Variants in WTAP observed in about 807,000 individuals in gnomAD.
WTAP encodes WT1 associated protein.
A neutral mutation model predicts 50.0 loss-of-function variants in WTAP; 8 were observed. The ratio of observed to expected loss-of-function variants is 0.16; its 90% confidence interval spans 0.09 to 0.29. The LOEUF (loss-of-function observed/expected upper bound fraction) is 0.29. Among genes scored for constraint, WTAP ranks in the 10% least tolerant of loss-of-function variants. The probability of loss-of-function intolerance (pLI) is 1.00; values close to 1 mark genes in which losing one functional copy is unlikely to be tolerated. For missense variants in WTAP, 295 were observed against 470.7 expected, an observed-to-expected ratio of 0.63 and a Z score of 3.45; for synonymous variants, 194 against 169.0, an observed-to-expected ratio of 1.15 and a Z score of -1.15.
At position 159,755,312 on chromosome 6, in the gene WTAP, A is replaced by G. The variant is rs375163417; in HGVS notation, c.892A>G (p.Thr298Ala). Residue 298 changes from threonine (T) to alanine (A), a missense_variant, in exon 8 of 8, where the codon ACA (threonine) becomes GCA (alanine). Physicochemically the swap from Thr to Ala is moderately conservative, Grantham distance 58 (BLOSUM62 0). This residue lies in a region of WTAP where 175 missense variants were observed against 183.1 expected (regional missense o/e 0.96). Coordinates refer to ENST00000621533, the MANE Select transcript of WTAP (RefSeq NM_001270531.2). ...SGSGFHREGN[T>A]TEDDFPSSPG... ...GTCTGGATTTCACAGGGAGGGCAAC[A>G]CAACCGAAGATGACTTTCCTTCTTC... 6.2e-6 allele frequency: 10 copies of G among 1,614,144 alleles called. No homozygotes were observed. The African/African-American group carries it at 1.2e-4, about 19-fold the overall frequency.
At chr6:159,745,446 T>G (rs1303495784) in intron 5 of WTAP, among the ~76,000 whole-genome samples, 1 of 152,152 alleles carries the variant, frequency 6.6e-6, no homozygotes, top group African/African-American at 2.4e-5. Flanking sequence ...GCTTTTTTTT[T>G]TTTTTAAAAC....
chr6:159,727,694 G>T lies in WTAP; in HGVS notation c.-18G>T. On this transcript the variant is annotated 5_prime_UTR_variant, in exon 1 of 8. Transcript: ENST00000621533. Reference sequence around the variant, plus strand: ...GACCGGTGGCGCCGGCGCGGCTTCTGCCTGGAGAGGTAGGCGCGGGCCGGC... The same window carrying T: ...GACCGGTGGCGCCGGCGCGGCTTCTTCCTGGAGAGGTAGGCGCGGGCCGGC... 3.0e-6 allele frequency: 3 copies of T among 984,516 alleles called. No individual in the cohort carries two copies. The highest frequency in any genetic ancestry group is 1.8e-5 in the African/African-American group (1 of 56,808). The allele number at this position is 984,516 out of a possible 1,614,324, so 61.0% of individuals were successfully genotyped here.
upstream of WTAP, chr6:159,727,406 A>AGGCGGGAGGCGGGAGGCGGGAGGCT (rs761734374): frequency 2.0e-6 from 1 of 491,242 alleles, no homozygotes; most frequent in African/African-American, 3.6e-5. Context: ...GGCGGGAGGC[A>AGGCGGGAGGCGGGAGGCGGGAGGCT]GTGGCGCTGG....
chr6:159,727,750 G>T (rs1331515270), intron 1 of WTAP, 47 bp downstream of exon 1: 63 of 983,526 alleles, frequency 6.4e-5, no homozygotes, highest in Non-Finnish European at 7.1e-5. Context: ...GACCTCCGGG[G>T]CCTGAGGGCT....
At chr6:159,742,592 AAAT>A (rs1779324516) in intron 4 of WTAP, among the ~76,000 whole-genome samples, 1 of 152,174 alleles carries the variant, frequency 6.6e-6, no homozygotes, top group South Asian at 2.1e-4. Context: ...AATCTGCTGA[AAAT>A]AACGTTTATC....
intron 6 of WTAP, among the ~76,000 whole-genome samples, chr6:159,750,292 G>A (rs1779771050): frequency 6.6e-6 from 1 of 152,180 alleles, no homozygotes; most frequent in Admixed American, 6.5e-5. Context: ...TTATTAACAT[G>A]TACTCAAATT....
chr6:159,742,937 A>G (rs1406445053), intron 4 of WTAP, among the ~76,000 whole-genome samples: 4 of 152,280 alleles, frequency 2.6e-5, no homozygotes, highest in South Asian at 4.1e-4. Context: ...CGGGAGGTCA[A>G]GGCTGCTGCA....
intron 1 of WTAP, among the ~76,000 whole-genome samples, chr6:159,731,960 TA>T (rs1778598648): frequency 7.2e-6 from 1 of 139,566 alleles, no homozygotes; most frequent in Non-Finnish European, 1.5e-5. Flanking sequence ...AGAATATGGA[TA>T]CCTGTCTTTA....
chr6:159,736,362 TA>T (rs988385388), intron 2 of WTAP, 67 bp downstream of exon 2: 669 of 1,167,978 alleles, frequency 5.7e-4, no homozygotes, highest in Non-Finnish European at 6.5e-4. Flanking sequence ...TTAAGCACTT[TA>T]AAAAAAAATA....
At chr6:159,753,404 AG>A (rs1213528795) in intron 6 of WTAP, 55 bp from the exon 7 acceptor site, 2 of 1,612,200 alleles carry the variant, frequency 1.2e-6, no homozygotes, top group African/African-American at 1.3e-5. Context: ...AATAATTGTA[AG>A]CAAAGACAGA....
intron 5 of WTAP, among the ~76,000 whole-genome samples, chr6:159,746,429 A>G (rs1480202823): frequency 6.6e-6 from 1 of 152,200 alleles, no homozygotes; most frequent in Non-Finnish European, 1.5e-5. Context: ...TGGTGTTTCA[A>G]ATTAAGCTAA....
At position 159,755,733 on chromosome 6, in the gene WTAP, GTTGTTTTTTTTCT is replaced by G. The variant is rs1779979312; in HGVS notation, c.*134_*146del. Reference sequence around the variant, plus strand: ...TGGGTGTACGTTTTGGTTTTTTTTTGTTGTTTTTTTTCTTTGTTTTTTTTTTCTTTTCTTTTTT... The same window carrying G: ...TGGGTGTACGTTTTGGTTTTTTTTTGTTGTTTTTTTTTTCTTTTCTTTTTT... On this transcript the variant is annotated 3_prime_UTR_variant, in exon 8 of 8. Transcript: ENST00000621533. 2.5e-5 allele frequency: 14 copies of G among 551,166 alleles called. No homozygotes were observed. Among genetic ancestry groups the G allele is most frequent in the South Asian group, 9.9e-5 (1 of 10,064 alleles). 34.1% of individuals were successfully genotyped at this position (551,166 alleles called of 1,614,324 possible).
intron 1 of WTAP, among the ~76,000 whole-genome samples, chr6:159,734,140 A>G (rs1325476909): frequency 3.3e-5 from 5 of 152,156 alleles, no homozygotes; most frequent in Non-Finnish European, 5.9e-5. Flanking sequence ...TCTCAAAATC[A>G]AGTGGGAGAA....
At chr6:159,727,036 C>T (rs1778209265), upstream of WTAP, 13 of 1,228,066 alleles carry the variant, frequency 1.1e-5, no homozygotes, top group East Asian at 1.7e-4. Flanking sequence ...CGCAGGTGGC[C>T]CCGGCGAGTA....
chr6:159,743,785 A>T lies in WTAP; in HGVS notation c.266A>T (p.Glu89Val). ...GCAACCAAGGAACAAGAGATGCAAG[A>T]GTGTACTGTAAGTATTTCAAGTTAT... is the stretch of plus-strand genomic sequence containing the variant. ...RLATKEQEMQ[E>V]CTTQIQYLKQ... The change falls in exon 5 of 8, where the codon GAG becomes GTG. Residue 89 changes from glutamate to valine, a missense_variant. Glu to Val is a moderately radical substitution (Grantham distance 121, BLOSUM62 -2). Transcript: ENST00000621533. 6.2e-7 allele frequency: 1 copy of T among 1,608,832 alleles called. No homozygotes were observed. Among genetic ancestry groups the T allele is most frequent in the Non-Finnish European group, 8.5e-7 (1 of 1,178,184 alleles).
intron 5 of WTAP, among the ~76,000 whole-genome samples, chr6:159,747,518 T>A (rs1310412078): frequency 6.6e-6 from 1 of 152,226 alleles, no homozygotes; most frequent in Non-Finnish European, 1.5e-5. Flanking sequence ...TAAGGTCCTA[T>A]AGAGTTTTGC....
In WTAP at chr6:159,755,755, T is replaced by TTTTTC. The variant is rs1414897537; in HGVS notation, c.*154_*158dup. On this transcript the variant is annotated 3_prime_UTR_variant, in exon 8 of 8. Transcript: ENST00000621533. ...TTTGTTGTTTTTTTTCTTTGTTTTT[T>TTTTTC]TTTTCTTTTCTTTTTTTTTTTTTTT... 6.5e-6 allele frequency: 7 copies of TTTTTC among 1,077,746 alleles called. No homozygotes were observed. The highest frequency in any genetic ancestry group is 7.0e-6 in the Non-Finnish European group (6 of 855,168). 66.8% of individuals were successfully genotyped at this position (1,077,746 alleles called of 1,614,324 possible). A position where few individuals can be genotyped will look rare whatever the true frequency, so the allele number is the denominator to read the frequency against.
chr6:159,755,710 G>C lies in WTAP; in HGVS notation c.*99G>C. Reference sequence around the variant, plus strand: ...TTTTGTCACAATTTGCCTTTTTGTGGGTGTACGTTTTGGTTTTTTTTTGTT... The same window carrying C: ...TTTTGTCACAATTTGCCTTTTTGTGCGTGTACGTTTTGGTTTTTTTTTGTT... On this transcript the variant is annotated 3_prime_UTR_variant, in exon 8 of 8. Coordinates refer to ENST00000621533, the MANE Select transcript of WTAP (RefSeq NM_001270531.2). 8.0e-7 allele frequency: 1 copy of C among 1,246,268 alleles called. No homozygotes were observed. Among genetic ancestry groups the C allele is most frequent in the East Asian group, 3.1e-5 (1 of 31,780 alleles). The allele number at this position is 1,246,268 out of a possible 1,614,324, so 77.2% of individuals were successfully genotyped here. A position where few individuals can be genotyped will look rare whatever the true frequency, so the allele number is the denominator to read the frequency against.
In WTAP at chr6:159,727,662, C is replaced by T; in HGVS notation, c.-50C>T. On this transcript the variant is annotated 5_prime_UTR_variant, in exon 1 of 8. Coordinates refer to ENST00000621533, the MANE Select transcript of WTAP (RefSeq NM_001270531.2). ...GGCAGGGCAAGCAGCGCGGCCTCGG[C>T]CTATGCGACCGGTGGCGCCGGCGCG... 1.0e-6 allele frequency: 1 copy of T among 985,384 alleles called. No individual in the cohort carries two copies. The highest frequency in any genetic ancestry group is 1.7e-5 in the African/African-American group (1 of 57,244). The allele number at this position is 985,384 out of a possible 1,614,324, so 61.0% of individuals were successfully genotyped here. A position where few individuals can be genotyped will look rare whatever the true frequency, so the allele number is the denominator to read the frequency against.
Sources: allele counts gnomAD v4.1 joint callset (sites outside exome capture counted in the v4.1 genomes callset), GRCh38; gene constraint gnomAD v4.1.1; regional missense constraint gnomAD v4.1.1; transcripts MANE v1.5; gene names NCBI Gene and HGNC (gene_info 2026-07-23, HGNC 2026-07-21).